Variants in ZNF704 observed in about 807,000 individuals in gnomAD.
The protein encoded by ZNF704 is glucocorticoid induced gene 1.
A neutral mutation model predicts 44.7 loss-of-function variants in ZNF704; 10 were observed. That is an observed-to-expected ratio of 0.22 (90% CI 0.14 to 0.38). The LOEUF is 0.38. ZNF704 is among the 10% of genes least tolerant of loss of function. ZNF704 has a pLI of 1.00. For synonymous variants in ZNF704, 211 were observed against 207.6 expected (o/e 1.02, Z -0.14); for missense variants, 390 against 545.5 (o/e 0.71, Z 2.84).
chr8:80,652,621 G>A (rs1440091690), intron 7 of ZNF704, among the ~76,000 whole-genome samples: 5 of 152,178 alleles, frequency 3.3e-5, no homozygotes, highest in Non-Finnish European at 7.3e-5. Flanking sequence ...AAACCAGGAA[G>A]AAGTTGAATC....
intron 1 of ZNF704, among the ~76,000 whole-genome samples, chr8:80,861,904 C>A (rs921156958): frequency 1.3e-5 from 2 of 151,634 alleles, no homozygotes; most frequent in African/African-American, 4.9e-5. Flanking sequence ...TCCATACAAT[C>A]CCATCTCAGT....
intron 1 of ZNF704, among the ~76,000 whole-genome samples, chr8:80,873,388 C>T (rs1022605531): frequency 1.3e-5 from 2 of 151,050 alleles, no homozygotes; most frequent in Admixed American, 1.3e-4. Flanking sequence ...CGCGCTGCCC[C>T]GCGCGGCCGC....
At chr8:80,778,149 A>G (rs1457861093) in intron 2 of ZNF704, among the ~76,000 whole-genome samples, 1 of 152,184 alleles carries the variant, frequency 6.6e-6, no homozygotes, top group Non-Finnish European at 1.5e-5. Context: ...CAGCATCTAT[A>G]AGGAACTTAA....
intron 2 of ZNF704, among the ~76,000 whole-genome samples, chr8:80,790,107 G>T (rs1807679224): frequency 6.6e-6 from 1 of 152,182 alleles, no homozygotes; most frequent in Admixed American, 6.5e-5. Context: ...AGAAGCTGTT[G>T]TTCTCACTCT....
chr8:80,642,979 G>A, intron 8 of ZNF704, 56 bp downstream of exon 8: 1 of 1,231,176 alleles, frequency 8.1e-7, no homozygotes. Context: ...CTGCTGTTCT[G>A]TTTTACAGTT....
At chr8:80,780,307 G>A (rs996127062) in intron 2 of ZNF704, among the ~76,000 whole-genome samples, 3 of 152,190 alleles carry the variant, frequency 2.0e-5, no homozygotes, top group African/African-American at 4.8e-5. Context: ...GTAGGAAACC[G>A]TCAGAAATTT....
chr8:80,799,451 AAG>A (rs1364390702), intron 2 of ZNF704, among the ~76,000 whole-genome samples: 1 of 152,184 alleles, frequency 6.6e-6, no homozygotes, highest in Non-Finnish European at 1.5e-5. Context: ...AAGGGATTTT[AAG>A]AGTTTGACTG....
intron 2 of ZNF704, among the ~76,000 whole-genome samples, chr8:80,802,583 A>G (rs1371954865): frequency 1.3e-5 from 2 of 152,216 alleles, no homozygotes; most frequent in African/African-American, 4.8e-5. Flanking sequence ...AACTAAAGAC[A>G]AAAAACACAA....
chr8:80,697,675 AG>A (rs1818747117), intron 2 of ZNF704, among the ~76,000 whole-genome samples: 1 of 152,210 alleles, frequency 6.6e-6, no homozygotes, highest in Non-Finnish European at 1.5e-5. Flanking sequence ...ACTTGTTGAG[AG>A]GGTTAAATGA....
At chr8:80,785,328 G>A (rs935902516) in intron 2 of ZNF704, among the ~76,000 whole-genome samples, 1 of 152,164 alleles carries the variant, frequency 6.6e-6, no homozygotes, top group African/African-American at 2.4e-5. Context: ...TCTGGGTAAA[G>A]TAGTATTTGT....
chr8:80,864,588 T>C lies in ZNF704; in HGVS notation c.-22+9983A>G, dbSNP rs1220221858. Among the ~76,000 whole-genome samples the C allele has an allele frequency of 2.6e-5, 4 of 152,176 alleles. No homozygotes were observed. In the East Asian group the frequency reaches 7.7e-4, roughly 29 times the overall value. On this transcript the variant is annotated intron_variant, in intron 1 of 8. Transcript: ENST00000327835. ...CAAAGTCAATTAATTACCAAGCCCT[T>C]TTCTCCGTGTCTAGACATCTCCCTA...
At chr8:80,733,908 CTT>C (rs1806623171) in intron 2 of ZNF704, among the ~76,000 whole-genome samples, 2 of 152,150 alleles carry the variant, frequency 1.3e-5, no homozygotes, top group African/African-American at 4.8e-5. Flanking sequence ...AAGTGGAAAT[CTT>C]TGTATTGTTT....
rs1817638355 is a variant in ZNF704 at position 80,634,604 on chromosome 8, C to G, written c.*6762G>C. 6.6e-6 allele frequency: 1 copy of G among 152,256 alleles called. No homozygotes were observed. Among genetic ancestry groups the G allele is most frequent in the Non-Finnish European group, 1.5e-5 (1 of 68,080 alleles). The allele number at this position is 152,256 out of a possible 1,614,324, so 9.4% of individuals were successfully genotyped here. Reference sequence around the variant, plus strand: ...ATATCATACTTCCACGTCAGAAGATCTAGCAGCCCTGGGCCTGATTTCTGC... The same window carrying G: ...ATATCATACTTCCACGTCAGAAGATGTAGCAGCCCTGGGCCTGATTTCTGC... On this transcript the variant is annotated 3_prime_UTR_variant, in exon 9 of 9. Coordinates refer to ENST00000327835, the MANE Select transcript of ZNF704 (RefSeq NM_001033723.3).
At chr8:80,691,846 G>A (rs12114287) in intron 3 of ZNF704, among the ~76,000 whole-genome samples, 11,458 of 152,010 alleles carry the variant, frequency 0.075, 1,476 homozygotes, top group African/African-American at 0.26. Flanking sequence ...CTTCCTGTGC[G>A]TCTGTCACCT....
chr8:80,769,219 G>A (rs1254419692), intron 2 of ZNF704, among the ~76,000 whole-genome samples: 1 of 152,112 alleles, frequency 6.6e-6, no homozygotes, highest in Non-Finnish European at 1.5e-5. Context: ...CTCCTGATTT[G>A]GTGATTCTGC....
chr8:80,692,626 A>C (rs772267960), intron 3 of ZNF704, among the ~76,000 whole-genome samples: 1 of 152,238 alleles, frequency 6.6e-6, no homozygotes, highest in African/African-American at 2.4e-5. Context: ...TTAATCTGAG[A>C]GTTCTTTGAT....
At chr8:80,672,314 T>C (rs1818294512) in intron 4 of ZNF704, among the ~76,000 whole-genome samples, 1 of 152,202 alleles carries the variant, frequency 6.6e-6, no homozygotes, top group Admixed American at 6.5e-5. Context: ...TATACACTGG[T>C]GACGGGAGTG....
At chr8:80,748,784 G>A (rs764673311) in intron 2 of ZNF704, among the ~76,000 whole-genome samples, 21 of 152,318 alleles carry the variant, frequency 1.4e-4, no homozygotes, top group Middle Eastern at 3.4e-3. Flanking sequence ...GTTAAAAAAC[G>A]AGGAAGGGAG....
At chr8:80,645,198 C>A in intron 7 of ZNF704, 4 of 1,570,008 alleles carry the variant, frequency 2.5e-6, no homozygotes, top group South Asian at 1.2e-5. Flanking sequence ...TAGCCTTCAG[C>A]CCCGCGCCGC....
Sources: gnomAD v4.1 joint callset for allele counts (sites outside exome capture counted in the v4.1 genomes callset) on GRCh38, gnomAD v4.1.1 for gene constraint, MANE v1.5 for transcripts, NCBI Gene and HGNC (gene_info 2026-07-23, HGNC 2026-07-21) for gene names.